Variants in OTULIN observed in about 807,000 individuals in gnomAD.
OTULIN encodes the protein OTU deubiquitinase with linear linkage specificity, also known as ubiquitin thioesterase otulin.
A neutral mutation model predicts 39.6 loss-of-function variants in OTULIN; 15 were observed. The ratio of observed to expected loss-of-function variants is 0.38; its 90% CI spans 0.25 to 0.58. The LOEUF (loss-of-function observed/expected upper bound fraction) is 0.58. Among genes scored for constraint, OTULIN ranks in the 20% least tolerant of loss-of-function variants. The pLI is 0.66. For missense variants in OTULIN, 319 were observed against 445.9 expected, an observed-to-expected ratio of 0.72 and a Z score of 2.56; for synonymous variants, 156 against 170.3, an observed-to-expected ratio of 0.92 and a Z score of 0.65.
At chr5:14,692,238 C>T (rs770676708) in intron 6 of OTULIN, among the ~76,000 whole-genome samples, 1 of 152,178 alleles carries the variant, frequency 6.6e-6, no homozygotes, top group African/African-American at 2.4e-5. Context: ...ACACTTCTGA[C>T]TTTTTGTATT....
At chr5:14,675,390 T>C (rs901711975) in intron 2 of OTULIN, among the ~76,000 whole-genome samples, 2 of 152,194 alleles carry the variant, frequency 1.3e-5, no homozygotes, top group Admixed American at 6.5e-5. Context: ...CCTCAAGCAA[T>C]TGGTGAACTC....
At chr5:14,687,837 T>C (rs1736424851) in intron 5 of OTULIN, 191 bp downstream of exon 5, 2 of 559,150 alleles carry the variant, frequency 3.6e-6, no homozygotes, top group Non-Finnish European at 5.9e-6. Flanking sequence ...CAACATTATA[T>C]ATTCTTAGAG....
intron 3 of OTULIN, among the ~76,000 whole-genome samples, chr5:14,679,067 T>A (rs942522239): frequency 3.3e-5 from 5 of 152,212 alleles, no homozygotes; most frequent in Non-Finnish European, 7.3e-5. Flanking sequence ...TTGGGGCCAT[T>A]TGGGAATGTC....
chr5:14,670,331 C>T (rs957392681), intron 1 of OTULIN, among the ~76,000 whole-genome samples: 4 of 152,198 alleles, frequency 2.6e-5, no homozygotes, highest in African/African-American at 9.7e-5. Flanking sequence ...TTCCAGATTC[C>T]TGGCCTTTAG....
the OTULIN span, chr5:14,706,517 T>G: frequency 6.6e-6 from 1 of 152,236 alleles, no homozygotes; most frequent in Non-Finnish European, 1.5e-5. Context: ...CTTAAGGTCT[T>G]ATCATCTCGT....
At chr5:14,692,080 C>T (rs746006718) in intron 6 of OTULIN, among the ~76,000 whole-genome samples, 10 of 151,986 alleles carry the variant, frequency 6.6e-5, no homozygotes, top group Non-Finnish European at 1.3e-4. Flanking sequence ...TTTATGTGAA[C>T]ATATGTTTGT....
Position 14,692,841 on chromosome 5 carries a change from CT to C in OTULIN, c.865-12del. On this transcript the variant is annotated splice_polypyrimidine_tract_variant and intron_variant, in intron 6 of 6. Coordinates refer to ENST00000284274, the MANE Select transcript of OTULIN (RefSeq NM_138348.6). ...TGATCTTCCTCAGAATACCCGTTTG[CT>C]CTTCTTCCCAGGTTGAAATGTTCCT... 1 of 1,611,794 alleles carries C rather than the reference CT, an allele frequency of 6.2e-7. No homozygotes were observed. Among genetic ancestry groups the C allele is most frequent in the Non-Finnish European group, 8.5e-7 (1 of 1,178,140 alleles).
At chr5:14,714,214 C>G in the OTULIN span, among the ~76,000 whole-genome samples, 1 of 152,380 alleles carries the variant, frequency 6.6e-6, no homozygotes, top group African/African-American at 2.4e-5. Context: ...ACTTCCCTTT[C>G]TCCCTCCTAA....
chr5:14,677,902 C>T (rs1329622345), intron 2 of OTULIN, among the ~76,000 whole-genome samples: 2 of 152,242 alleles, frequency 1.3e-5, no homozygotes, highest in African/African-American at 2.4e-5. Context: ...CAGACTGTCG[C>T]GTCTGTAATT....
the OTULIN span, among the ~76,000 whole-genome samples, chr5:14,712,183 G>A: frequency 2.6e-5 from 4 of 152,206 alleles, no homozygotes; most frequent in East Asian, 3.8e-4. Flanking sequence ...AAGCCCAACC[G>A]CAGGGGACAG....
chr5:14,682,494 A>T (rs998237349), intron 4 of OTULIN, among the ~76,000 whole-genome samples: 8 of 148,784 alleles, frequency 5.4e-5, no homozygotes, highest in African/African-American at 1.5e-4. Context: ...TTTTTAAATT[A>T]AAAAAAAAAT....
the OTULIN span, chr5:14,713,790 A>C: frequency 7.1e-7 from 1 of 1,406,314 alleles, no homozygotes; most frequent in Non-Finnish European, 1.0e-6. The surrounding 1 kb of genome is among the most constrained non-coding windows in gnomAD (Gnocchi z 4.4). Flanking sequence ...CTTGCTGTTG[A>C]GCCGCTGGCC....
chr5:14,682,309 C>G (rs540235331), intron 4 of OTULIN, among the ~76,000 whole-genome samples: 2 of 152,254 alleles, frequency 1.3e-5, no homozygotes, highest in South Asian at 4.1e-4. Flanking sequence ...CCTTCTGTAT[C>G]TAAAATAAAA....
chr5:14,671,949 T>C (rs1282448141), intron 1 of OTULIN, among the ~76,000 whole-genome samples: 5 of 152,210 alleles, frequency 3.3e-5, no homozygotes, highest in African/African-American at 1.2e-4. Context: ...TGGTTAAATC[T>C]AGATGCCGAG....
intron 3 of OTULIN, among the ~76,000 whole-genome samples, chr5:14,680,673 C>A (rs1309187407): frequency 6.6e-6 from 1 of 152,170 alleles, no homozygotes. Flanking sequence ...CAGAATGGTC[C>A]ATTGGATGGC....
chr5:14,679,605 TCTTTAA>T (rs1305618032), intron 3 of OTULIN, among the ~76,000 whole-genome samples: 1 of 152,272 alleles, frequency 6.6e-6, no homozygotes, highest in Non-Finnish European at 1.5e-5. Flanking sequence ...AATAGAAATA[TCTTTAA>T]CTTTTTTTGG....
downstream of OTULIN, among the ~76,000 whole-genome samples, chr5:14,702,412 C>T (rs1433762640): frequency 6.6e-6 from 1 of 152,110 alleles, no homozygotes; most frequent in Non-Finnish European, 1.5e-5. Context: ...GTATTTGGAG[C>T]TGGAAATAGG....
At position 14,695,119 on chromosome 5, in the gene OTULIN, T is replaced by C. The variant is rs1424525095; in HGVS notation, c.*2071T>C. The C allele has an allele frequency of 1.3e-5, 2 of 152,220 alleles. No individual in the cohort carries two copies. The highest frequency in any genetic ancestry group is 6.5e-5 in the Admixed American group (1 of 15,290). The allele number at this position is 152,220 out of a possible 1,614,324, so 9.4% of individuals were successfully genotyped here. A position where few individuals can be genotyped will look rare whatever the true frequency, so the allele number is the denominator to read the frequency against. ...AATTGGATTTCTGGGTAAAAGAATG[T>C]GTTTCTTTTATGTTGCTTATGTCCG... is the stretch of plus-strand genomic sequence containing the variant. On this transcript the variant is annotated 3_prime_UTR_variant, in exon 7 of 7. Transcript: ENST00000284274.
the OTULIN span, among the ~76,000 whole-genome samples, chr5:14,711,617 C>T: frequency 6.6e-6 from 1 of 152,220 alleles, no homozygotes; most frequent in Non-Finnish European, 1.5e-5. Flanking sequence ...TGCGCTCTCC[C>T]CGACTCCTCA....
Sources: allele counts gnomAD v4.1 joint callset (sites outside exome capture counted in the v4.1 genomes callset), GRCh38; gene constraint gnomAD v4.1.1; non-coding constraint Gnocchi (gnomAD v3.1); transcripts MANE v1.5; gene names NCBI Gene and HGNC (gene_info 2026-07-23, HGNC 2026-07-21).